The following ARHGEF18 variants were observed in gnomAD, a reference collection of about 807,000 sequenced individuals.
ARHGEF18 encodes rho guanine nucleotide exchange factor 18.
ARHGEF18 carries 93 observed loss-of-function variants against 155.7 expected under a neutral mutation model. That is an observed-to-expected ratio of 0.60 (90% CI 0.50 to 0.71). The LOEUF is 0.71. Among genes scored for constraint, ARHGEF18 ranks in the 30% least tolerant of loss-of-function variants. ARHGEF18 has a pLI of 0.00. For missense variants in ARHGEF18, 1,593 were observed against 1,816.1 expected (o/e 0.88, Z 2.23); for synonymous variants, 742 against 753.1 (o/e 0.99, Z 0.24).
chr19:7,376,192 G>A (rs1970454101), intron 4 of ARHGEF18, among the ~76,000 whole-genome samples: 3 of 152,190 alleles, frequency 2.0e-5, no homozygotes, highest in African/African-American at 7.2e-5. Flanking sequence ...TTTGCCTGGA[G>A]TGTAGCCCTG....
intron 10 of ARHGEF18, among the ~76,000 whole-genome samples, chr19:7,432,154 AAG>A (rs1974004206): frequency 6.6e-6 from 1 of 152,200 alleles, no homozygotes; most frequent in South Asian, 2.1e-4. Context: ...TGAGGCAAGA[AAG>A]AGAAATCAAT....
In ARHGEF18 at chr19:7,440,544, C is replaced by CA; in HGVS notation, c.1106+63dup. 1 of 1,531,244 alleles carries CA rather than the reference C, an allele frequency of 6.5e-7. No homozygotes were observed. Among genetic ancestry groups the CA allele is most frequent in the Non-Finnish European group, 8.8e-7 (1 of 1,142,686 alleles). 94.9% of individuals were successfully genotyped at this position (1,531,244 alleles called of 1,614,324 possible). A position where few individuals can be genotyped will look rare whatever the true frequency, so the allele number is the denominator to read the frequency against. On this transcript the variant is annotated intron_variant, in intron 11 of 28. Coordinates refer to ENST00000668164, the MANE Select transcript of ARHGEF18 (RefSeq NM_001367823.1). The surrounding 1 kb of genome is among the most constrained non-coding windows in gnomAD (Gnocchi z 5.4). ...GTGGCATTCCCCGGGGAGCTGTTGA[C>CA]AGCCTCTTCGGAGGGAGACCCCGAC...
Position 7,463,654 on chromosome 19 carries a change from G to A in ARHGEF18, c.2636-164G>A, listed in dbSNP as rs1043565404. 2.0e-5 allele frequency among the ~76,000 whole-genome samples: 3 copies of A among 152,174 alleles called. No individual in the cohort carries two copies. The highest frequency in any genetic ancestry group is 1.9e-4 in the East Asian group (1 of 5,188). ...GGCCATACCTGAAGTAAGGGTGTGC[G>A]CAGGGACAGTGGGGCTGAAATCCCA... is the stretch of plus-strand genomic sequence containing the variant. On this transcript the variant is annotated intron_variant, in intron 21 of 28. Coordinates refer to ENST00000668164, the MANE Select transcript of ARHGEF18 (RefSeq NM_001367823.1). The surrounding 1 kb of genome is among the most constrained non-coding windows in gnomAD (Gnocchi z 5.2).
At chr19:7,422,919 A>G (rs1010906208) in intron 10 of ARHGEF18, among the ~76,000 whole-genome samples, 2 of 151,844 alleles carry the variant, frequency 1.3e-5, no homozygotes, top group African/African-American at 4.8e-5. Flanking sequence ...GGGTTTCACC[A>G]TGTTGGCCAG....
intron 1 of ARHGEF18, among the ~76,000 whole-genome samples, chr19:7,350,051 T>A (rs1969118266): frequency 6.6e-6 from 1 of 152,126 alleles, no homozygotes; most frequent in Non-Finnish European, 1.5e-5. Flanking sequence ...CAGGTGAGGG[T>A]TCTCCCCCTT....
intron 10 of ARHGEF18, among the ~76,000 whole-genome samples, chr19:7,396,195 A>G (rs1467712316): frequency 6.6e-6 from 1 of 152,180 alleles, no homozygotes; most frequent in Non-Finnish European, 1.5e-5. Flanking sequence ...AGCCTGGACC[A>G]CAGGATTAAA....
chr19:7,470,764 A>G lies in ARHGEF18; in HGVS notation c.*466A>G. On this transcript the variant is annotated 3_prime_UTR_variant, in exon 29 of 29. Coordinates refer to ENST00000668164, the MANE Select transcript of ARHGEF18 (RefSeq NM_001367823.1). The surrounding 1 kb of genome is among the most constrained non-coding windows in gnomAD (Gnocchi z 5.9). ...CCGCGCGACAGTGGAGCCAAGGGTT[A>G]GGGCACCAGGAGGGGCCAGGTGGCG... The G allele has an allele frequency of 2.5e-6, 1 of 401,050 alleles. No homozygotes were observed. The highest frequency in any genetic ancestry group is 4.4e-6 in the Non-Finnish European group (1 of 226,170). The allele number at this position is 401,050 out of a possible 1,614,324, so 24.8% of individuals were successfully genotyped here. A position where few individuals can be genotyped will look rare whatever the true frequency, so the allele number is the denominator to read the frequency against.
chr19:7,402,413 T>C (rs533685684), intron 10 of ARHGEF18, among the ~76,000 whole-genome samples: 1 of 152,290 alleles, frequency 6.6e-6, no homozygotes, highest in African/African-American at 2.4e-5. Context: ...AGCGAGACTC[T>C]GTCTCAAAAA....
chr19:7,393,047 CAAA>C (rs60015151), intron 10 of ARHGEF18, among the ~76,000 whole-genome samples: 118 of 56,664 alleles, frequency 2.1e-3, no homozygotes, highest in Middle Eastern at 0.014. Context: ...GATCCTGTCT[CAAA>C]AAAAAAAAAA....
rs1220674832 is a variant in ARHGEF18 at position 7,440,110 on chromosome 19, A to G, written c.968-234A>G. 6.4e-7 allele frequency: 1 copy of G among 1,550,724 alleles called. No individual in the cohort carries two copies. Among genetic ancestry groups the G allele is most frequent in the Non-Finnish European group, 8.7e-7 (1 of 1,146,778 alleles). On this transcript the variant is annotated intron_variant, in intron 10 of 28. Transcript: ENST00000668164. The surrounding 1 kb of genome is among the most constrained non-coding windows in gnomAD (Gnocchi z 5.4). Reference sequence around the variant, plus strand: ...GGAGCCCCGGGCGCGAACATGGGGAATGCGCACTCCAAAAGCGGGGACAGG... The same window carrying G: ...GGAGCCCCGGGCGCGAACATGGGGAGTGCGCACTCCAAAAGCGGGGACAGG...
intron 3 of ARHGEF18, among the ~76,000 whole-genome samples, chr19:7,375,369 G>T: frequency 7.2e-6 from 1 of 138,188 alleles, no homozygotes; most frequent in African/African-American, 2.7e-5. Context: ...AAGGAAGGAA[G>T]GAAGGAAGAA....
At position 7,467,033 on chromosome 19, in the gene ARHGEF18, C is replaced by G. The variant is rs1449921243; in HGVS notation, c.2962-38C>G. ...CTTGTGCACGCGCGTGTGGCCTCAG[C>G]CCGATAACTAGCATCAATCTCCCTC... is the stretch of plus-strand genomic sequence containing the variant. On this transcript the variant is annotated intron_variant, in intron 24 of 28. Coordinates refer to ENST00000668164, the MANE Select transcript of ARHGEF18 (RefSeq NM_001367823.1). 2.5e-6 allele frequency: 4 copies of G among 1,611,002 alleles called. No individual in the cohort carries two copies. The Admixed American group carries it at 6.7e-5, about 27-fold the overall frequency.
chr19:7,475,078 A>T (rs1269165712), downstream of ARHGEF18, among the ~76,000 whole-genome samples: 1 of 152,124 alleles, frequency 6.6e-6, no homozygotes, highest in Non-Finnish European at 1.5e-5. Flanking sequence ...TACTAAAAAT[A>T]CAAAATTAGC....
chr19:7,361,115 A>G (rs1969529298), intron 1 of ARHGEF18, among the ~76,000 whole-genome samples: 1 of 152,168 alleles, frequency 6.6e-6, no homozygotes, highest in South Asian at 2.1e-4. Flanking sequence ...GAGCTACCAT[A>G]TACTTCACCC....
chr19:7,366,923 C>A (rs530248979), intron 2 of ARHGEF18, among the ~76,000 whole-genome samples: 62 of 151,720 alleles, frequency 4.1e-4, no homozygotes, highest in Non-Finnish European at 7.4e-4. Context: ...CCACCACATC[C>A]GGCTAGTTGT....
chr19:7,433,507 CAAAAAAAAAAAA>C (rs35825715), intron 10 of ARHGEF18, among the ~76,000 whole-genome samples: 6 of 58,302 alleles, frequency 1.0e-4, no homozygotes, highest in East Asian at 6.4e-4. Flanking sequence ...ACTCCGTCTC[CAAAAAAAAAAAA>C]AAAAAAAAAA....
At chr19:7,379,230 G>C in intron 7 of ARHGEF18, 64 bp downstream of exon 7, 1 of 1,215,958 alleles carries the variant, frequency 8.2e-7, no homozygotes, top group Non-Finnish European at 1.0e-6. Flanking sequence ...GAAGCATGCA[G>C]GGGTGTGCAC....
At chr19:7,382,099 A>T (rs1370182112) in intron 8 of ARHGEF18, among the ~76,000 whole-genome samples, 1 of 152,062 alleles carries the variant, frequency 6.6e-6, no homozygotes, top group Non-Finnish European at 1.5e-5. Flanking sequence ...GGGAGGAGAT[A>T]GAAGAATGAG....
chr19:7,469,276 GC>G, intron 27 of ARHGEF18, 145 bp downstream of exon 27: 1 of 1,087,442 alleles, frequency 9.2e-7, no homozygotes, highest in Non-Finnish European at 1.3e-6. Context: ...CGTGGCTGAG[GC>G]CACCCCACAC....
Sources: allele counts gnomAD v4.1 joint callset (sites outside exome capture counted in the v4.1 genomes callset), GRCh38; gene constraint gnomAD v4.1.1; non-coding constraint Gnocchi (gnomAD v3.1); transcripts MANE v1.5; gene names NCBI Gene and HGNC (gene_info 2026-07-23, HGNC 2026-07-21).